The following DOCK1 variants were observed in gnomAD, a reference collection of about 807,000 sequenced individuals.
DOCK1 encodes the protein dedicator of cytokinesis 1.
Under a neutral mutation model 262.7 loss-of-function variants are expected in DOCK1, and 138 were observed. The ratio of observed to expected loss-of-function variants is 0.53; its 90% CI spans 0.46 to 0.61. DOCK1 has a LOEUF of 0.61. Among genes scored for constraint, DOCK1 ranks in the 20% least tolerant of loss-of-function variants. DOCK1 has a pLI of 0.00. For missense variants in DOCK1, 1,908 were observed against 2,370.7 expected (o/e 0.80, Z 4.05); for synonymous variants, 866 against 867.4 (o/e 1.00, Z 0.03).
intron 27 of DOCK1, among the ~76,000 whole-genome samples, chr10:127,210,154 A>AT (rs1666475739): frequency 6.6e-6 from 1 of 152,164 alleles, no homozygotes; most frequent in African/African-American, 2.4e-5. Flanking sequence ...TGAGAATGAG[A>AT]TTTTTTATGA....
chr10:127,161,403 A>C (rs761001602), intron 27 of DOCK1, among the ~76,000 whole-genome samples: 70 of 152,056 alleles, frequency 4.6e-4, no homozygotes, highest in Non-Finnish European at 8.7e-4. Context: ...AGCTGATAGG[A>C]CCCATCTGTC....
chr10:127,021,618 A>G (rs2135435241), intron 13 of DOCK1, among the ~76,000 whole-genome samples: 1 of 152,172 alleles, frequency 6.6e-6, no homozygotes, highest in Admixed American at 6.5e-5. Context: ...CAAATGAGCA[A>G]CAAGTCTTGG....
At chr10:127,340,048 C>A (rs555202265) in intron 30 of DOCK1, among the ~76,000 whole-genome samples, 158 of 152,222 alleles carry the variant, frequency 1.0e-3, no homozygotes, top group African/African-American at 3.4e-3. Context: ...AATGCTCTTT[C>A]ATTTGCATTG....
chr10:126,972,550 G>T (rs1366093411), intron 2 of DOCK1, among the ~76,000 whole-genome samples: 1 of 152,048 alleles, frequency 6.6e-6, no homozygotes, highest in Non-Finnish European at 1.5e-5. Flanking sequence ...AGGTTTTTTA[G>T]CAAAACCCTT....
chr10:127,048,451 C>T (rs2044491316), intron 21 of DOCK1, among the ~76,000 whole-genome samples: 1 of 151,456 alleles, frequency 6.6e-6, no homozygotes, highest in South Asian at 2.1e-4. Context: ...ACATTTTCTT[C>T]CTGCCTCTGT....
At chr10:127,098,720 T>C (rs2048058049) in intron 23 of DOCK1, among the ~76,000 whole-genome samples, 1 of 152,160 alleles carries the variant, frequency 6.6e-6, no homozygotes, top group South Asian at 2.1e-4. Flanking sequence ...CATGCATTCA[T>C]AGATTTTTAT....
At chr10:127,046,273 G>C (rs117163015) in intron 21 of DOCK1, among the ~76,000 whole-genome samples, 2 of 152,110 alleles carry the variant, frequency 1.3e-5, no homozygotes, top group African/African-American at 2.4e-5. Context: ...AGCACCACCC[G>C]CAGAGGCCTA....
intron 16 of DOCK1, 141 bp from the exon 17 acceptor site, chr10:127,031,509 A>C: frequency 1.4e-5 from 8 of 581,464 alleles, no homozygotes; most frequent in Non-Finnish European, 2.3e-5. Context: ...ATTTTTCCAT[A>C]TATTTATTAG....
chr10:127,251,247 G>A (rs2059628955), intron 28 of DOCK1, among the ~76,000 whole-genome samples: 2 of 151,974 alleles, frequency 1.3e-5, no homozygotes, highest in Admixed American at 6.6e-5. Flanking sequence ...CCAAAGTGCT[G>A]GGATTACAGG....
At chr10:127,200,947 A>G (rs2057425194) in intron 27 of DOCK1, among the ~76,000 whole-genome samples, 1 of 152,200 alleles carries the variant, frequency 6.6e-6, no homozygotes, top group South Asian at 2.1e-4. Flanking sequence ...TGCATATTCC[A>G]AAGAGACTCA....
intron 29 of DOCK1, among the ~76,000 whole-genome samples, chr10:127,300,663 T>C (rs900676220): frequency 4.6e-5 from 7 of 152,248 alleles, no homozygotes; most frequent in African/African-American, 1.7e-4. Flanking sequence ...TTGATCCATC[T>C]TCGAATACTT....
intron 2 of DOCK1, among the ~76,000 whole-genome samples, chr10:126,977,461 T>C (rs958134757): frequency 6.6e-6 from 1 of 152,178 alleles, no homozygotes; most frequent in Non-Finnish European, 1.5e-5. Flanking sequence ...AGGTCGTGGC[T>C]GCTCCAGGAA....
At chr10:126,932,460 A>G (rs999184487) in intron 1 of DOCK1, among the ~76,000 whole-genome samples, 7 of 152,192 alleles carry the variant, frequency 4.6e-5, no homozygotes, top group Non-Finnish European at 8.8e-5. Flanking sequence ...GGATTTCTCG[A>G]AAAGTAAAAT....
rs188794962 is a variant in DOCK1, at chr10:127,145,278, C to T, written c.2847+17514C>T. Reference sequence around the variant, plus strand: ...CAGACCCAAGTCATTTGGATTGCCTCTGCCCATCGTAAGTTCTCCATGAGG... The same window carrying T: ...CAGACCCAAGTCATTTGGATTGCCTTTGCCCATCGTAAGTTCTCCATGAGG... On this transcript the variant is annotated intron_variant, in intron 27 of 51. Transcript: ENST00000623213. Among the ~76,000 whole-genome samples the T allele has an allele frequency of 1.9e-3, 292 of 152,296 alleles. 3 individuals are homozygous for T. Among genetic ancestry groups the T allele is most frequent in the Middle Eastern group, 6.8e-3 (2 of 294 alleles).
At chr10:127,233,199 G>A (rs998473743) in intron 27 of DOCK1, among the ~76,000 whole-genome samples, 7 of 152,124 alleles carry the variant, frequency 4.6e-5, no homozygotes, top group Non-Finnish European at 1.0e-4. Flanking sequence ...TTAGAATTAT[G>A]GTAGTCACCA....
chr10:127,310,720 A>T (rs552316890), intron 29 of DOCK1, among the ~76,000 whole-genome samples: 8 of 152,212 alleles, frequency 5.3e-5, no homozygotes, highest in African/African-American at 1.9e-4. Flanking sequence ...GGACAGCCCA[A>T]TGATTTAAGA....
intron 49 of DOCK1, among the ~76,000 whole-genome samples, chr10:127,439,694 C>T (rs1216525697): frequency 6.6e-6 from 1 of 152,172 alleles, no homozygotes; most frequent in Non-Finnish European, 1.5e-5. Context: ...CCACCGGGCC[C>T]CAGAAGCTGG....
At chr10:126,914,595 G>T (rs2134042101) in intron 1 of DOCK1, among the ~76,000 whole-genome samples, 1 of 152,204 alleles carries the variant, frequency 6.6e-6, no homozygotes, top group African/African-American at 2.4e-5. Flanking sequence ...AGAGGGTCTT[G>T]TTATGTTGCC....
intron 19 of DOCK1, among the ~76,000 whole-genome samples, chr10:127,040,305 T>G (rs2043936254): frequency 6.6e-6 from 1 of 152,244 alleles, no homozygotes; most frequent in Non-Finnish European, 1.5e-5. Flanking sequence ...CAGACCAGCA[T>G]GCCTTTTGGT....
Sources: allele counts gnomAD v4.1 joint callset (sites outside exome capture counted in the v4.1 genomes callset), GRCh38; gene constraint gnomAD v4.1.1; transcripts MANE v1.5; gene names NCBI Gene and HGNC (gene_info 2026-07-23, HGNC 2026-07-21).